The following COL23A1 variants were observed in gnomAD, a reference collection of about 807,000 sequenced individuals.
COL23A1 encodes the protein collagen type XXIII alpha 1 chain.
Under a neutral mutation model 99.3 loss-of-function variants are expected in COL23A1, and 97 were observed. That is an observed-to-expected ratio of 0.98 (90% CI 0.83 to 1.16). The LOEUF (loss-of-function observed/expected upper bound fraction) is 1.16. COL23A1 is among the 50% of genes most tolerant of loss of function. The pLI is 0.00. For missense variants in COL23A1, 762 were observed against 757.4 expected (o/e 1.01, Z -0.07); for synonymous variants, 320 against 308.2 (o/e 1.04, Z -0.40).
chr5:178,249,323 C>A lies in COL23A1; in HGVS notation c.1060-117G>T, dbSNP rs1380682768. On this transcript the variant is annotated intron_variant, in intron 18 of 28. Transcript: ENST00000390654. ...GCCCCACTTTCTCTTTGTGGGTCCC[C>A]ACCTCCAGCCACAGTGGCTGGGAGC... 5 of 948,298 alleles carry A rather than the reference C, an allele frequency of 5.3e-6. No individual in the cohort carries two copies. In the East Asian group the frequency reaches 1.2e-4, roughly 23 times the overall value. 58.7% of individuals were successfully genotyped at this position (948,298 alleles called of 1,614,324 possible).
intron 2 of COL23A1, among the ~76,000 whole-genome samples, chr5:178,509,098 C>T (rs533024): frequency 0.11 from 15,969 of 152,028 alleles, 2,326 homozygotes; most frequent in African/African-American, 0.33. Context: ...GGTCTAGATC[C>T]CAGCTTCTCC....
chr5:178,323,818 T>C (rs987256373), intron 2 of COL23A1, among the ~76,000 whole-genome samples: 3 of 152,278 alleles, frequency 2.0e-5, no homozygotes, highest in African/African-American at 7.2e-5. Flanking sequence ...TCTGCTCTTC[T>C]AGTCCGTGCA....
At chr5:178,284,160 T>C (rs1581524053) in intron 5 of COL23A1, among the ~76,000 whole-genome samples, 2 of 152,344 alleles carry the variant, frequency 1.3e-5, no homozygotes, top group East Asian at 3.9e-4. Context: ...CCCTATGCTG[T>C]TGATTCTATG....
chr5:178,316,632 A>G (rs1758997004), intron 2 of COL23A1, among the ~76,000 whole-genome samples: 1 of 152,210 alleles, frequency 6.6e-6, no homozygotes, highest in Non-Finnish European at 1.5e-5. Flanking sequence ...TACATTTTCT[A>G]GGAAGAGGGA....
In COL23A1 at chr5:178,445,505, T is replaced by C. The variant is rs1477406515; in HGVS notation, c.361+115177A>G. ...ATTATGTAGTCAAATTCCCAAAGCG[T>C]CCCATTACGATTCTGATGGAAATCG... is the stretch of plus-strand genomic sequence containing the variant. On this transcript the variant is annotated intron_variant, in intron 2 of 28. Transcript: ENST00000390654. Among the ~76,000 whole-genome samples the C allele has an allele frequency of 2.0e-5, 3 of 152,300 alleles. No individual in the cohort carries two copies. In the East Asian group the frequency reaches 5.8e-4, roughly 29 times the overall value.
intron 7 of COL23A1, among the ~76,000 whole-genome samples, chr5:178,268,073 T>C (rs1361377182): frequency 6.6e-6 from 1 of 152,234 alleles, no homozygotes; most frequent in African/African-American, 2.4e-5. Context: ...CCTGCCTGCC[T>C]GGCCTGAGCT....
intron 2 of COL23A1, among the ~76,000 whole-genome samples, chr5:178,399,664 G>T (rs1388083662): frequency 6.6e-6 from 1 of 152,178 alleles, no homozygotes; most frequent in Non-Finnish European, 1.5e-5. Flanking sequence ...GGGGAGGGTA[G>T]CAAAACAAAC....
intron 2 of COL23A1, among the ~76,000 whole-genome samples, chr5:178,535,367 C>T (rs765359481): frequency 6.6e-6 from 1 of 152,260 alleles, no homozygotes; most frequent in African/African-American, 2.4e-5. Flanking sequence ...TGCCAAGCCT[C>T]GGTTACACAC....
chr5:178,349,817 C>T (rs530533845), intron 2 of COL23A1, among the ~76,000 whole-genome samples: 25 of 152,326 alleles, frequency 1.6e-4, no homozygotes, highest in African/African-American at 5.5e-4. Flanking sequence ...TTCAGCTCCA[C>T]TAGTGGGTGT....
rs1454691812 is a variant in COL23A1, at chr5:178,365,577, G to A, written c.362-58658C>T. Among the ~76,000 whole-genome samples the A allele has an allele frequency of 1.3e-5, 2 of 152,156 alleles. No homozygotes were observed. Among genetic ancestry groups the A allele is most frequent in the Middle Eastern group, 3.2e-3 (1 of 316 alleles). On this transcript the variant is annotated intron_variant, in intron 2 of 28. Coordinates refer to ENST00000390654, the MANE Select transcript of COL23A1 (RefSeq NM_173465.4). The surrounding 1 kb of genome is among the most constrained non-coding windows in gnomAD (Gnocchi z 5.2). ...CCTCAGGTCTGGCTGGGCCCACCTG[G>A]CTGCTTCCTGGTCTCTACCACATGC...
intron 2 of COL23A1, chr5:178,523,525 C>G (rs1322088940): frequency 6.6e-6 from 1 of 151,674 alleles, no homozygotes; most frequent in Non-Finnish European, 1.5e-5. Context: ...AGACACGTCA[C>G]TGGGAACCGA....
At chr5:178,527,594 T>A (rs985025550) in intron 2 of COL23A1, among the ~76,000 whole-genome samples, 1 of 152,196 alleles carries the variant, frequency 6.6e-6, no homozygotes, top group African/African-American at 2.4e-5. Flanking sequence ...ATGACTCGGT[T>A]ACCAACGAGG....
chr5:178,380,862 G>A (rs1325628917), intron 2 of COL23A1, among the ~76,000 whole-genome samples: 1 of 152,186 alleles, frequency 6.6e-6, no homozygotes, highest in Non-Finnish European at 1.5e-5. Flanking sequence ...CAGGGCAGCG[G>A]GTGTGGGGAC....
intron 2 of COL23A1, among the ~76,000 whole-genome samples, chr5:178,491,953 T>C (rs1313222373): frequency 6.6e-6 from 1 of 152,154 alleles, no homozygotes; most frequent in Admixed American, 6.5e-5. Flanking sequence ...CAGGCTGGTC[T>C]TGAACTCCTG....
chr5:178,563,092 G>A (rs184750488), intron 1 of COL23A1, among the ~76,000 whole-genome samples: 2 of 152,294 alleles, frequency 1.3e-5, no homozygotes, highest in African/African-American at 2.4e-5. Flanking sequence ...ACTCCAGGGG[G>A]TGCCTTTAGG....
At chr5:178,581,323 TG>T (rs1161944301) in intron 1 of COL23A1, among the ~76,000 whole-genome samples, 8 of 152,298 alleles carry the variant, frequency 5.3e-5, no homozygotes, top group Middle Eastern at 3.4e-3. Flanking sequence ...CCCAGCACTT[TG>T]GGAGGCCAAG....
chr5:178,479,065 G>A (rs1757184528), intron 2 of COL23A1, among the ~76,000 whole-genome samples: 1 of 152,006 alleles, frequency 6.6e-6, no homozygotes, highest in African/African-American at 2.4e-5. Context: ...CATCTCAGTG[G>A]CCCAGGACCT....
rs1209752036 is a variant in COL23A1, at chr5:178,309,527, A to C, written c.362-2608T>G. On this transcript the variant is annotated intron_variant, in intron 2 of 28. Coordinates refer to ENST00000390654, the MANE Select transcript of COL23A1 (RefSeq NM_173465.4). The surrounding 1 kb of genome is among the most constrained non-coding windows in gnomAD (Gnocchi z 4.7). ...CGGTGCTGGGGGCGCCATGTGACCG[A>C]CTTGCAGATGGACAAGCGGTCTACC... 1.3e-5 allele frequency among the ~76,000 whole-genome samples: 2 copies of C among 152,112 alleles called. No individual in the cohort carries two copies. The highest frequency in any genetic ancestry group is 6.5e-5 in the Admixed American group (1 of 15,270).
intron 2 of COL23A1, among the ~76,000 whole-genome samples, chr5:178,558,716 A>T (rs1480059645): frequency 6.6e-6 from 1 of 152,052 alleles, no homozygotes; most frequent in East Asian, 1.9e-4. Context: ...GACTGTTGGC[A>T]TTTTACACAT....
Sources: gnomAD v4.1 joint callset for allele counts (sites outside exome capture counted in the v4.1 genomes callset) on GRCh38, gnomAD v4.1.1 for gene constraint, Gnocchi (gnomAD v3.1) non-coding constraint, MANE v1.5 for transcripts, NCBI Gene and HGNC (gene_info 2026-07-23, HGNC 2026-07-21) for gene names.